The following MLIP variants were observed in gnomAD, a reference collection of about 807,000 sequenced individuals.
MLIP encodes the protein muscular LMNA-interacting protein.
Under a neutral mutation model 84.8 loss-of-function variants are expected in MLIP, and 79 were observed. The observed-to-expected ratio is 0.93, with a 90% CI of 0.78 to 1.12. The LOEUF is 1.12. Among genes scored for constraint, MLIP ranks in the 50% most tolerant of loss-of-function variants. The pLI is 0.00. For synonymous variants in MLIP, 504 were observed against 463.0 expected (o/e 1.09, Z -1.14); for missense variants, 1,257 against 1,160.6 (o/e 1.08, Z -1.21).
At chr6:54,154,037 G>A (rs1001518903) in intron 5 of MLIP, among the ~76,000 whole-genome samples, 8 of 151,986 alleles carry the variant, frequency 5.3e-5, no homozygotes, top group African/African-American at 1.9e-4. Context: ...ATGGTTCTCG[G>A]GTAGTTGTCT....
intron 9 of MLIP, among the ~76,000 whole-genome samples, chr6:54,178,891 T>C (rs1417141142): frequency 6.6e-6 from 1 of 152,226 alleles, no homozygotes; most frequent in Admixed American, 6.5e-5. Flanking sequence ...TAAAATGTTC[T>C]GTAAATATCT....
intron 1 of MLIP, among the ~76,000 whole-genome samples, chr6:54,060,187 C>G (rs1765888934): frequency 6.6e-6 from 1 of 152,174 alleles, no homozygotes; most frequent in Non-Finnish European, 1.5e-5. Context: ...TTCAGAGCTG[C>G]TGAAAGCTAT....
intron 11 of MLIP, among the ~76,000 whole-genome samples, chr6:54,204,099 T>C (rs1435758940): frequency 6.6e-6 from 1 of 152,228 alleles, no homozygotes; most frequent in African/African-American, 2.4e-5. Context: ...TTTCCATTGA[T>C]TTATATACAC....
intron 1 of MLIP, among the ~76,000 whole-genome samples, chr6:54,031,002 T>C (rs1764099399): frequency 6.6e-6 from 1 of 152,180 alleles, no homozygotes; most frequent in South Asian, 2.1e-4. Flanking sequence ...AGTATTTTCC[T>C]TTTTTCCACA....
At chr6:54,109,878 T>C (rs1769291989), upstream of MLIP, among the ~76,000 whole-genome samples, 1 of 152,040 alleles carries the variant, frequency 6.6e-6, no homozygotes, top group Non-Finnish European at 1.5e-5. Flanking sequence ...TAAGAAGAAC[T>C]GCAGTATAGG....
intron 1 of MLIP, among the ~76,000 whole-genome samples, chr6:54,098,038 G>T (rs1768340293): frequency 6.6e-6 from 1 of 152,000 alleles, no homozygotes; most frequent in Non-Finnish European, 1.5e-5. Flanking sequence ...GTTCTAATGA[G>T]CACTGAAACC....
intron 1 of MLIP, among the ~76,000 whole-genome samples, chr6:54,070,260 G>A (rs1766404537): frequency 6.6e-6 from 1 of 152,146 alleles, no homozygotes; most frequent in Non-Finnish European, 1.5e-5. Context: ...AATTTTCAAA[G>A]AGCCTTAGAA....
chr6:54,143,390 G>C (rs577959693), intron 4 of MLIP, among the ~76,000 whole-genome samples: 11 of 152,016 alleles, frequency 7.2e-5, no homozygotes, highest in Non-Finnish European at 1.5e-4. Context: ...ATTTTTAGTA[G>C]AGACGGGGTT....
intron 11 of MLIP, among the ~76,000 whole-genome samples, chr6:54,228,112 G>A (rs913809955): frequency 1.9e-4 from 4 of 21,040 alleles, no homozygotes; most frequent in Non-Finnish European, 8.3e-4. Context: ...GAACCCCGGA[G>A]GCGGAGCTTG....
At chr6:54,192,664 CAT>C (rs1778029856) in intron 10 of MLIP, among the ~76,000 whole-genome samples, 1 of 151,830 alleles carries the variant, frequency 6.6e-6, no homozygotes, top group East Asian at 1.9e-4. Context: ...TATGCATACA[CAT>C]ATAGATGACA....
At chr6:54,153,677 G>C (rs1773705164) in intron 5 of MLIP, among the ~76,000 whole-genome samples, 4 of 151,710 alleles carry the variant, frequency 2.6e-5, no homozygotes, top group Non-Finnish European at 5.9e-5. Flanking sequence ...GTGAAACCCT[G>C]TTTCTACTGA....
intron 4 of MLIP, among the ~76,000 whole-genome samples, chr6:54,138,981 A>G (rs934369621): frequency 4.6e-5 from 7 of 152,212 alleles, no homozygotes; most frequent in South Asian, 2.1e-4. Context: ...CATGGAGAGT[A>G]TGTTTCACTG....
chr6:54,206,663 C>T (rs1779052943), intron 11 of MLIP, among the ~76,000 whole-genome samples: 1 of 151,988 alleles, frequency 6.6e-6, no homozygotes, highest in African/African-American at 2.4e-5. Flanking sequence ...GCCTCTTTTC[C>T]CTACCAAAAT....
At chr6:54,080,012 A>G (rs1767034099) in intron 1 of MLIP, among the ~76,000 whole-genome samples, 1 of 152,196 alleles carries the variant, frequency 6.6e-6, no homozygotes, top group South Asian at 2.1e-4. Context: ...ATAGAATGCC[A>G]GGCATCCTGT....
intron 10 of MLIP, among the ~76,000 whole-genome samples, chr6:54,201,051 T>C: frequency 6.6e-6 from 1 of 152,226 alleles, no homozygotes. Context: ...CACAGCTTTT[T>C]ATTAAATTAT....
intron 11 of MLIP, among the ~76,000 whole-genome samples, chr6:54,212,275 T>C (rs1775795): frequency 0.96 from 145,875 of 152,260 alleles, 70,181 homozygotes; most frequent in East Asian, 1. Context: ...TGATATTGGA[T>C]CTTATTGTCT....
chr6:54,245,676 A>T (rs1430444418), intron 12 of MLIP, among the ~76,000 whole-genome samples: 1 of 152,120 alleles, frequency 6.6e-6, no homozygotes, highest in South Asian at 2.1e-4. Context: ...TTGTTTTTTT[A>T]AAAAAGTTTC....
chr6:54,034,949 C>A (rs1764343227), intron 1 of MLIP, among the ~76,000 whole-genome samples: 1 of 151,984 alleles, frequency 6.6e-6, no homozygotes, highest in African/African-American at 2.4e-5. Context: ...TTTTACTGTA[C>A]CTTTTCTATG....
At chr6:54,128,841 G>A (rs1367187486) in intron 3 of MLIP, among the ~76,000 whole-genome samples, 4 of 152,080 alleles carry the variant, frequency 2.6e-5, no homozygotes, top group Non-Finnish European at 5.9e-5. Flanking sequence ...GATAATACAT[G>A]TAAAGTGCCT....
Sources: gnomAD v4.1 joint callset for allele counts (sites outside exome capture counted in the v4.1 genomes callset) on GRCh38, gnomAD v4.1.1 for gene constraint, MANE v1.5 for transcripts, NCBI Gene and HGNC (gene_info 2026-07-23, HGNC 2026-07-21) for gene names.